The following SORCS1 variants were observed in gnomAD, a reference collection of about 807,000 sequenced individuals.
SORCS1 encodes sortilin related VPS10 domain containing receptor 1, also known as VPS10 domain-containing receptor SorCS1.
SORCS1 carries 60 observed loss-of-function variants against 146.1 expected under a neutral mutation model. The observed-to-expected ratio is 0.41, with a 90% CI of 0.33 to 0.51. The LOEUF is 0.51. SORCS1 is among the 20% of genes least tolerant of loss of function. The probability of loss-of-function intolerance (pLI) is 0.21; values close to 1 mark genes in which losing one functional copy is unlikely to be tolerated. For synonymous variants in SORCS1, 637 were observed against 584.0 expected, an observed-to-expected ratio of 1.09 and a Z score of -1.31; for missense variants, 1,352 against 1,487.6, an observed-to-expected ratio of 0.91 and a Z score of 1.50.
At chr10:106,904,591 T>A (rs1198825503) in intron 2 of SORCS1, among the ~76,000 whole-genome samples, 1 of 152,184 alleles carries the variant, frequency 6.6e-6, no homozygotes, top group Non-Finnish European at 1.5e-5. Flanking sequence ...CAGACCTCCA[T>A]CCCATACTTT....
intron 9 of SORCS1, among the ~76,000 whole-genome samples, chr10:106,693,669 C>T (rs1046762282): frequency 6.6e-6 from 1 of 151,980 alleles, no homozygotes; most frequent in Non-Finnish European, 1.5e-5. Flanking sequence ...TCTTTGGTGA[C>T]TTAAAGAAAA....
chr10:107,092,208 G>C (rs1445274013), intron 1 of SORCS1, among the ~76,000 whole-genome samples: 1 of 152,170 alleles, frequency 6.6e-6, no homozygotes, highest in Non-Finnish European at 1.5e-5. Flanking sequence ...TGCAAAATTG[G>C]AGCTTAGGAA....
intron 17 of SORCS1, among the ~76,000 whole-genome samples, chr10:106,653,961 A>G (rs1483223130): frequency 1.3e-5 from 2 of 152,162 alleles, no homozygotes; most frequent in African/African-American, 4.8e-5. Flanking sequence ...GCACTAGCTA[A>G]TTTTATTCTG....
At chr10:106,743,759 A>T (rs1378260913) in intron 5 of SORCS1, among the ~76,000 whole-genome samples, 1 of 152,204 alleles carries the variant, frequency 6.6e-6, no homozygotes, top group Non-Finnish European at 1.5e-5. Context: ...CTTTAAAAAT[A>T]ACACCGCTGT....
chr10:107,114,373 C>T (rs565593715), intron 1 of SORCS1, among the ~76,000 whole-genome samples: 2 of 152,018 alleles, frequency 1.3e-5, no homozygotes, highest in African/African-American at 4.8e-5. Context: ...ATGCAAAAAT[C>T]CTCAACAAAA....
intron 2 of SORCS1, among the ~76,000 whole-genome samples, chr10:106,886,407 T>C (rs1294744837): frequency 6.6e-6 from 1 of 151,940 alleles, no homozygotes; most frequent in African/African-American, 2.4e-5. Flanking sequence ...CCTGGATTTC[T>C]TCCAGAAATT....
chr10:106,882,859 C>T (rs980799596), intron 2 of SORCS1, among the ~76,000 whole-genome samples: 7 of 152,156 alleles, frequency 4.6e-5, no homozygotes, highest in African/African-American at 1.7e-4. Flanking sequence ...TTGACAACCT[C>T]CTGATGATTG....
At chr10:106,643,156 G>C (rs1849182503) in intron 18 of SORCS1, among the ~76,000 whole-genome samples, 1 of 152,158 alleles carries the variant, frequency 6.6e-6, no homozygotes, top group Admixed American at 6.5e-5. Flanking sequence ...GTGATCTCAG[G>C]TAAGTTACTT....
intron 1 of SORCS1, among the ~76,000 whole-genome samples, chr10:107,044,512 TAAA>T (rs59253149): frequency 5.4e-5 from 4 of 74,060 alleles, no homozygotes; most frequent in Non-Finnish European, 7.5e-5. Context: ...TTCTAATTTG[TAAA>T]AAAAAAAAAA....
intron 2 of SORCS1, among the ~76,000 whole-genome samples, chr10:106,953,913 C>A (rs186718896): frequency 3.0e-4 from 46 of 152,330 alleles, no homozygotes; most frequent in African/African-American, 1.1e-3. Flanking sequence ...GAGAAGCCAG[C>A]AGGTCATTCG....
At chr10:106,846,719 T>G (rs1316596644) in intron 2 of SORCS1, among the ~76,000 whole-genome samples, 9 of 5,128 alleles carry the variant, frequency 1.8e-3, no homozygotes, top group African/African-American at 6.8e-3. Flanking sequence ...TGGCTGTGGG[T>G]TTGTCATAGA....
At chr10:107,117,253 A>C (rs1177137575) in intron 1 of SORCS1, among the ~76,000 whole-genome samples, 1 of 152,232 alleles carries the variant, frequency 6.6e-6, no homozygotes, top group African/African-American at 2.4e-5. Context: ...GAAAAGAAAC[A>C]AAAAGTAATG....
chr10:106,718,057 G>A (rs990964304), intron 6 of SORCS1, among the ~76,000 whole-genome samples: 2 of 152,134 alleles, frequency 1.3e-5, no homozygotes, highest in African/African-American at 4.8e-5. Context: ...GGGACATGAT[G>A]GAAAAGCTGA....
At chr10:106,951,665 A>C (rs1272030781) in intron 2 of SORCS1, among the ~76,000 whole-genome samples, 1 of 152,212 alleles carries the variant, frequency 6.6e-6, no homozygotes, top group Admixed American at 6.5e-5. Flanking sequence ...AAGAAATAAA[A>C]TACAATATAA....
intron 2 of SORCS1, among the ~76,000 whole-genome samples, chr10:106,910,445 G>A (rs1047140843): frequency 1.3e-5 from 2 of 152,104 alleles, no homozygotes; most frequent in African/African-American, 4.8e-5. Flanking sequence ...GTGCTCATCT[G>A]GCACCTGGCG....
At chr10:106,640,464 CAGATTT>C (rs1387266055) in intron 18 of SORCS1, among the ~76,000 whole-genome samples, 2 of 152,210 alleles carry the variant, frequency 1.3e-5, no homozygotes, top group Non-Finnish European at 2.9e-5. Flanking sequence ...TCCCTAGCCT[CAGATTT>C]AATTTAAAAG....
chr10:107,029,246 C>T (rs952823846), intron 1 of SORCS1, among the ~76,000 whole-genome samples: 9 of 152,120 alleles, frequency 5.9e-5, no homozygotes, highest in South Asian at 2.1e-4. Flanking sequence ...TTCACTGGCA[C>T]GCTAGCATCA....
intron 1 of SORCS1, among the ~76,000 whole-genome samples, chr10:107,105,555 A>G (rs2134413601): frequency 6.6e-6 from 1 of 152,292 alleles, no homozygotes; most frequent in East Asian, 1.9e-4. Flanking sequence ...CACTGGTATG[A>G]GTCCAACAGT....
At chr10:107,027,013 T>C (rs1463648410) in intron 1 of SORCS1, among the ~76,000 whole-genome samples, 4 of 129,920 alleles carry the variant, frequency 3.1e-5, no homozygotes, top group Non-Finnish European at 6.4e-5. Flanking sequence ...CTATCAGGGG[T>C]ATATGTGTAT....
Sources: allele counts gnomAD v4.1 joint callset (sites outside exome capture counted in the v4.1 genomes callset), GRCh38; gene constraint gnomAD v4.1.1; transcripts MANE v1.5; gene names NCBI Gene and HGNC (gene_info 2026-07-23, HGNC 2026-07-21).